The following C6orf132 variants were observed in gnomAD, a reference collection of about 807,000 sequenced individuals.
The protein encoded by C6orf132 is chromosome 6 open reading frame 132.
Under a neutral mutation model 65.3 loss-of-function variants are expected in C6orf132, and 43 were observed. That is an observed-to-expected ratio of 0.66 (90% CI 0.52 to 0.85). The LOEUF is 0.85. C6orf132 is among the 40% of genes least tolerant of loss of function. The pLI is 0.00. For synonymous variants in C6orf132, 631 were observed against 654.1 expected, an observed-to-expected ratio of 0.96 and a Z score of 0.54; for missense variants, 1,488 against 1,548.8, an observed-to-expected ratio of 0.96 and a Z score of 0.66.
At chr6:42,119,248 C>CAAAAAA (rs1156356191) in intron 2 of C6orf132, among the ~76,000 whole-genome samples, 484 of 44,780 alleles carry the variant, frequency 0.011, 2 homozygotes, top group Middle Eastern at 0.031. Context: ...GACTCTGTCT[C>CAAAAAA]AAAAAAAAAA....
At chr6:42,121,494 G>A (rs1582277492) in intron 2 of C6orf132, among the ~76,000 whole-genome samples, 1 of 152,228 alleles carries the variant, frequency 6.6e-6, no homozygotes, top group African/African-American at 2.4e-5. Flanking sequence ...GAGTTCAGGA[G>A]GGCAGGGCTT....
chr6:42,136,426 T>C (rs564998037), intron 1 of C6orf132, among the ~76,000 whole-genome samples: 1 of 152,326 alleles, frequency 6.6e-6, no homozygotes, highest in African/African-American at 2.4e-5. Context: ...ACAGATCTAA[T>C]TGGATTCCTG....
At chr6:42,114,919 T>A (rs1450314708) in intron 2 of C6orf132, among the ~76,000 whole-genome samples, 1 of 150,856 alleles carries the variant, frequency 6.6e-6, no homozygotes, top group East Asian at 1.9e-4. Context: ...ACAGGGAGAA[T>A]TGCTTGAACC....
Position 42,106,540 on chromosome 6 carries a change from G to A in C6orf132, c.1372C>T (p.Pro458Ser). Residue 458 changes from proline to serine, a missense_variant, in exon 4 of 5, where the codon CCT (proline) becomes TCT (serine). Coordinates refer to ENST00000341865, the MANE Select transcript of C6orf132 (RefSeq NM_001164446.3). ...PSPENTASSA[P>S]VDWRDPSQME... ...TGGCTGGGGTCCCTCCAGTCCACAG[G>A]TGCTGAAGACGCTGTGTTCTCTGGG... The A allele has an allele frequency of 6.5e-7, 1 of 1,536,318 alleles. No individual in the cohort carries two copies. The highest frequency in any genetic ancestry group is 8.7e-7 in the Non-Finnish European group (1 of 1,146,772).
Position 42,106,461 on chromosome 6 carries a change from T to C in C6orf132, c.1451A>G (p.Glu484Gly), listed in dbSNP as rs999302899. 7.2e-6 allele frequency: 11 copies of C among 1,536,282 alleles called. No individual in the cohort carries two copies. The highest frequency in any genetic ancestry group is 1.7e-4 in the Middle Eastern group (1 of 5,986). ...TGGCCTGTGACTGAGGAATCGGTCCTCTCTCCTGGAGCCACAGAGATAGGC... is the reference window on the plus strand; with the variant it reads ...TGGCCTGTGACTGAGGAATCGGTCCCCTCTCCTGGAGCCACAGAGATAGGC... ...LAAYLCGSRREDRFLSHRPGP... is the reference protein window; with the variant it reads ...LAAYLCGSRRGDRFLSHRPGP... Residue 484 changes from glutamate (E) to glycine (G), a missense_variant, in exon 4 of 5, where the codon GAG becomes GGG. Transcript: ENST00000341865.
rs1441545319 is a variant in C6orf132, at chr6:42,106,199, C to T, written c.1713G>A (p.Glu571=). Residue 571 remains glutamate (E), a synonymous_variant, in exon 4 of 5, where the codon GAG becomes GAA. Coordinates refer to ENST00000341865, the MANE Select transcript of C6orf132 (RefSeq NM_001164446.3). ...TCTCTGCTGCTGAGGAGAGCCGGGC[C>T]TCCAGCTCATTCCGGATCTGCCGCA... ...PSVRQIRNEL[E]ARLSSAAEKE... is the part of the protein sequence containing the mutation. 4.6e-6 allele frequency: 7 copies of T among 1,537,112 alleles called. No individual in the cohort carries two copies. Among genetic ancestry groups the T allele is most frequent in the Non-Finnish European group, 6.1e-6 (7 of 1,146,922 alleles).
At chr6:42,127,694 C>T (rs775460426) in intron 2 of C6orf132, among the ~76,000 whole-genome samples, 3 of 152,128 alleles carry the variant, frequency 2.0e-5, no homozygotes, top group Non-Finnish European at 2.9e-5. Context: ...GACCCAGCTC[C>T]GACAGACAGG....
chr6:42,112,919 A>G (rs909390379), intron 2 of C6orf132, among the ~76,000 whole-genome samples: 41 of 152,328 alleles, frequency 2.7e-4, no homozygotes, highest in African/African-American at 9.4e-4. Flanking sequence ...GGGATCAGCA[A>G]ACCACTCATC....
At position 42,103,812 on chromosome 6, in the gene C6orf132, G is replaced by A; in HGVS notation, c.3516C>T (p.Arg1172=). 6.7e-7 allele frequency: 1 copy of A among 1,492,832 alleles called. No individual in the cohort carries two copies. Among genetic ancestry groups the A allele is most frequent in the Non-Finnish European group, 8.9e-7 (1 of 1,123,788 alleles). The allele number at this position is 1,492,832 out of a possible 1,614,324, so 92.5% of individuals were successfully genotyped here. A position where few individuals can be genotyped will look rare whatever the true frequency, so the allele number is the denominator to read the frequency against. ...INTFTVRPGT[R]HPISYVCSGA... ...CTGAGCAGACATAGGAGATGGGATG[G>A]CGGGTCCCAGGCCTCACGGTGAACG... The change falls in exon 5 of 5, where the codon CGC becomes CGT. Residue 1172 remains arginine (R), a synonymous_variant. Transcript: ENST00000341865.
chr6:42,124,446 G>C lies in C6orf132; in HGVS notation c.252+4226C>G, dbSNP rs115599803. Among the ~76,000 whole-genome samples the C allele has an allele frequency of 3.3e-3, 509 of 152,360 alleles. 6 individuals carry two copies. Among genetic ancestry groups the C allele is most frequent in the African/African-American group, 0.011 (468 of 41,580 alleles). On this transcript the variant is annotated intron_variant, in intron 2 of 4. Coordinates refer to ENST00000341865, the MANE Select transcript of C6orf132 (RefSeq NM_001164446.3). This position sits in a 1 kb window ranked among gnomAD's most constrained non-coding sequence, Gnocchi z 4.0. ...GAGGGTAGGCTCAGAAGATGGCCCA[G>C]GCCTGGAGAGAGCTCACAGGCCCTC...
chr6:42,108,683 T>A (rs1766451134), intron 3 of C6orf132, among the ~76,000 whole-genome samples: 1 of 152,048 alleles, frequency 6.6e-6, no homozygotes, highest in Admixed American at 6.5e-5. Flanking sequence ...ACAATCTGGG[T>A]GCTAAAGAGA....
chr6:42,109,361 G>A (rs1477399472), intron 3 of C6orf132, among the ~76,000 whole-genome samples: 2 of 152,128 alleles, frequency 1.3e-5, no homozygotes, highest in Admixed American at 6.5e-5. Flanking sequence ...GAACCCGGGA[G>A]GCAGAGGTTG....
chr6:42,112,389 G>A (rs977313194), intron 2 of C6orf132, among the ~76,000 whole-genome samples: 1 of 152,216 alleles, frequency 6.6e-6, no homozygotes. Flanking sequence ...TAGGGGATAA[G>A]AGCATTGGCT....
At chr6:42,139,977 G>A (rs1767007536) in intron 1 of C6orf132, among the ~76,000 whole-genome samples, 2 of 152,222 alleles carry the variant, frequency 1.3e-5, no homozygotes. Context: ...AGGCAGGGCT[G>A]CACCTGCATC....
intron 2 of C6orf132, among the ~76,000 whole-genome samples, chr6:42,115,287 C>A (rs1490133129): frequency 7.8e-6 from 1 of 128,522 alleles, no homozygotes; most frequent in Non-Finnish European, 1.6e-5. Context: ...AAGACTCCAT[C>A]TCAAAAAAAA....
At chr6:42,130,947 A>T (rs1262489517) in intron 1 of C6orf132, among the ~76,000 whole-genome samples, 2 of 152,110 alleles carry the variant, frequency 1.3e-5, no homozygotes, top group Non-Finnish European at 2.9e-5. Context: ...GTACAGTGGC[A>T]TGATCTCGGC....
chr6:42,116,575 C>T (rs1408448584), intron 2 of C6orf132, among the ~76,000 whole-genome samples: 2 of 152,158 alleles, frequency 1.3e-5, no homozygotes, highest in African/African-American at 4.8e-5. Flanking sequence ...AAAGCTGCCA[C>T]GGGGATATTC....
In C6orf132 at chr6:42,120,320, C is replaced by T. The variant is rs201731461; in HGVS notation, c.252+8352G>A. Among the ~76,000 whole-genome samples, 116 of 148,770 alleles carry T rather than the reference C, an allele frequency of 7.8e-4. No homozygotes were observed. In the East Asian group the frequency reaches 0.022, roughly 28 times the overall value. The stretch of plus-strand genomic sequence containing the variant: ...GGAGTGCAGTGGCGCGATCTCGGCT[C>T]ACTGCAAGCTCCGCCTCCCGGGTTC... On this transcript the variant is annotated intron_variant, in intron 2 of 4. Transcript: ENST00000341865.
intron 1 of C6orf132, among the ~76,000 whole-genome samples, chr6:42,137,959 G>A (rs930702750): frequency 6.6e-5 from 10 of 152,184 alleles, no homozygotes; most frequent in African/African-American, 2.2e-4. Context: ...CGGGGAGGCT[G>A]AGGCAGCAGA....
Sources: allele counts gnomAD v4.1 joint callset (sites outside exome capture counted in the v4.1 genomes callset), GRCh38; gene constraint gnomAD v4.1.1; non-coding constraint Gnocchi (gnomAD v3.1); transcripts MANE v1.5; gene names NCBI Gene and HGNC (gene_info 2026-07-23, HGNC 2026-07-21).